PKD1L1: variants seen among roughly 807,000 people sequenced by gnomAD.
PKD1L1 encodes polycystin 1 like 1, transient receptor potential channel interacting, also known as polycystin-1-like protein 1.
In PKD1L1, 236 loss-of-function variants were observed where a neutral mutation model predicts 323.4. The ratio of observed to expected loss-of-function variants is 0.73; its 90% confidence interval spans 0.66 to 0.81. The LOEUF is 0.81. Among genes scored for constraint, PKD1L1 ranks in the 40% least tolerant of loss-of-function variants. PKD1L1 has a pLI of 0.00. For missense variants in PKD1L1, 3,320 were observed against 3,508.0 expected (o/e 0.95, Z 1.35); for synonymous variants, 1,344 against 1,335.0 (o/e 1.01, Z -0.15).
At chr7:47,789,280 CAA>C (rs1482547629) in intron 56 of PKD1L1, among the ~76,000 whole-genome samples, 1 of 152,174 alleles carries the variant, frequency 6.6e-6, no homozygotes, top group Non-Finnish European at 1.5e-5. Flanking sequence ...TGTCTCTACT[CAA>C]GTCAGTTTGT....
At chr7:47,955,304 G>T in the PKD1L1 span, among the ~76,000 whole-genome samples, 1 of 152,092 alleles carries the variant, frequency 6.6e-6, no homozygotes, top group Non-Finnish European at 1.5e-5. Flanking sequence ...TCCAATGTTC[G>T]GGAAACTGTA....
rs374122230 is a variant in PKD1L1 at position 47,948,389 on chromosome 7, T to A, written c.44+8A>T. The A allele has an allele frequency of 2.5e-6, 4 of 1,613,996 alleles. No homozygotes were observed. Among genetic ancestry groups the A allele is most frequent in the South Asian group, 1.1e-5 (1 of 91,084 alleles). On this transcript the variant is annotated splice_region_variant and intron_variant, in intron 1 of 56. Transcript: ENST00000289672. Reference sequence around the variant, plus strand: ...TTACCAAACCCTCTGAGAACAGTGATAACTCACCTTTCCTGGTCATCAGAA... The same window carrying A: ...TTACCAAACCCTCTGAGAACAGTGAAAACTCACCTTTCCTGGTCATCAGAA...
At position 47,920,300 on chromosome 7, in the gene PKD1L1, A is replaced by AAC. The variant is rs765352275; in HGVS notation, c.1061-4702_1061-4701insGT. Among the ~76,000 whole-genome samples the AAC allele has an allele frequency of 6.4e-4, 86 of 135,248 alleles. 2 individuals are homozygous for AAC. The highest frequency in any genetic ancestry group is 2.5e-3 in the East Asian group (13 of 5,128). 88.7% of individuals were successfully genotyped at this position (135,248 alleles called of 152,430 possible). A position where few individuals can be genotyped will look rare whatever the true frequency, so the allele number is the denominator to read the frequency against. Reference sequence around the variant, plus strand: ...AAACCAAAACAAACAAACAAAAACAAAAAAAAAAAACCACTTAGGAATATA... The same window carrying AAC: ...AAACCAAAACAAACAAACAAAAACAAACAAAAAAAAAACCACTTAGGAATATA... On this transcript the variant is annotated intron_variant, in intron 7 of 56. Transcript: ENST00000289672.
intron 56 of PKD1L1, among the ~76,000 whole-genome samples, chr7:47,779,003 T>G (rs1383294339): frequency 6.6e-6 from 1 of 152,272 alleles, no homozygotes; most frequent in Non-Finnish European, 1.5e-5. Flanking sequence ...GTTCTTGTCC[T>G]ATGGAGAGAA....
At position 47,788,562 on chromosome 7, in the gene PKD1L1, T is replaced by TAC. The variant is rs1786863973; in HGVS notation, c.8526+4064_8526+4065insGT. Among the ~76,000 whole-genome samples the TAC allele has an allele frequency of 6.5e-5, 4 of 61,072 alleles. No individual in the cohort carries two copies. In the South Asian group the frequency reaches 3.0e-3, roughly 45 times the overall value. The allele number at this position is 61,072 out of a possible 152,430, so 40.1% of individuals were successfully genotyped here. On this transcript the variant is annotated intron_variant, in intron 56 of 56. Coordinates refer to ENST00000289672, the MANE Select transcript of PKD1L1 (RefSeq NM_138295.5). ...TGTGAGCCACCACACCCAGCCCAGT[T>TAC]ATATATATATATATATTTTTTTTTT... is the stretch of plus-strand genomic sequence containing the variant.
At chr7:47,886,256 T>C (rs1362567770) in intron 17 of PKD1L1, among the ~76,000 whole-genome samples, 2 of 152,092 alleles carry the variant, frequency 1.3e-5, no homozygotes, top group Non-Finnish European at 2.9e-5. Context: ...AAGAAGCACA[T>C]GTATGGAAGT....
intron 44 of PKD1L1, 104 bp downstream of exon 44, chr7:47,829,321 G>C (rs1785295605): frequency 8.5e-7 from 1 of 1,177,686 alleles, no homozygotes; most frequent in Middle Eastern, 2.5e-4. Flanking sequence ...GGTCTCCAAA[G>C]ATGCAACCCA....
intron 8 of PKD1L1, among the ~76,000 whole-genome samples, chr7:47,912,471 G>C (rs1787341086): frequency 6.6e-6 from 1 of 152,142 alleles, no homozygotes; most frequent in South Asian, 2.1e-4. Flanking sequence ...GTGACCCAGA[G>C]TGGCCAGCAC....
chr7:47,916,271 A>C (rs1009703431), intron 7 of PKD1L1, among the ~76,000 whole-genome samples: 7 of 152,234 alleles, frequency 4.6e-5, no homozygotes, highest in African/African-American at 1.7e-4. Flanking sequence ...AAATGCCTTT[A>C]AGGATTTTGG....
intron 56 of PKD1L1, among the ~76,000 whole-genome samples, chr7:47,786,827 G>A (rs1786818104): frequency 6.6e-6 from 1 of 152,192 alleles, no homozygotes; most frequent in Non-Finnish European, 1.5e-5. Context: ...GCCCCCGGCT[G>A]GGAGGTCTCT....
chr7:47,895,799 TTTAA>T lies in PKD1L1; in HGVS notation c.2272-1744_2272-1741del, dbSNP rs766236870. Reference sequence around the variant, plus strand: ...AAAATTTATAGAAATTAGTTTTTTGTTTAATTAAAGTCATAGTTAAGGCTTGAGG... The same window carrying T: ...AAAATTTATAGAAATTAGTTTTTTGTTTAAAGTCATAGTTAAGGCTTGAGG... On this transcript the variant is annotated intron_variant, in intron 14 of 56. Coordinates refer to ENST00000289672, the MANE Select transcript of PKD1L1 (RefSeq NM_138295.5). Among the ~76,000 whole-genome samples the T allele has an allele frequency of 1.1e-4, 16 of 152,344 alleles. No individual in the cohort carries two copies. In the East Asian group the frequency reaches 2.7e-3, roughly 26 times the overall value.
intron 26 of PKD1L1, 21 bp downstream of exon 26, chr7:47,865,195 C>G (rs1278566828): frequency 6.3e-7 from 1 of 1,592,056 alleles, no homozygotes; most frequent in Non-Finnish European, 8.6e-7. Flanking sequence ...GAAAATATTT[C>G]TGGGAAAAAA....
chr7:47,845,318 C>G (rs1238519266), intron 32 of PKD1L1, among the ~76,000 whole-genome samples: 1 of 152,192 alleles, frequency 6.6e-6, no homozygotes, highest in Non-Finnish European at 1.5e-5. Context: ...TGGAGGCTGT[C>G]CTGAGATGCA....
intron 56 of PKD1L1, among the ~76,000 whole-genome samples, chr7:47,789,359 GTTA>G (rs1786886233): frequency 6.6e-6 from 1 of 152,180 alleles, no homozygotes; most frequent in South Asian, 2.1e-4. Flanking sequence ...TTTCCTAAAG[GTTA>G]TTTTCTGTTT....
intron 7 of PKD1L1, among the ~76,000 whole-genome samples, chr7:47,916,220 G>A (rs573353690): frequency 1.3e-5 from 2 of 152,314 alleles, no homozygotes; most frequent in South Asian, 4.1e-4. Flanking sequence ...AAGCTATAAT[G>A]AGGCAACTGG....
chr7:47,923,796 A>AC (rs1787604732), intron 7 of PKD1L1, among the ~76,000 whole-genome samples: 1 of 152,208 alleles, frequency 6.6e-6, no homozygotes, highest in African/African-American at 2.4e-5. Flanking sequence ...CACCAAAATC[A>AC]AGTGTTTTTC....
Position 47,800,837 on chromosome 7 carries a change from G to A in PKD1L1, c.8005C>T (p.Arg2669Ter), listed in dbSNP as rs137883370. The A allele has an allele frequency of 2.7e-5, 43 of 1,613,920 alleles. No individual in the cohort carries two copies. Among genetic ancestry groups the A allele is most frequent in the South Asian group, 2.6e-4 (24 of 91,070 alleles). ...LMLAALSHLH[R>*]FLLSMWVLPP... is the part of the protein sequence containing the mutation. The stretch of plus-strand genomic sequence containing the variant: ...AGAACCCACATAGAGAGCAGAAATC[G>A]GTGCAGGTGGGAGAGGGCGGCCAGC... Residue 2669 changes from arginine to a stop codon, truncating the protein, a stop_gained, in exon 54 of 57, where the codon CGA (arginine) becomes TGA (stop). Transcript: ENST00000289672. LOFTEE classifies it high-confidence loss of function.
intron 24 of PKD1L1, among the ~76,000 whole-genome samples, chr7:47,869,868 T>C (rs62450667): frequency 0.32 from 49,087 of 151,958 alleles, 8,474 homozygotes; most frequent in African/African-American, 0.43. Context: ...TTTAAACTAC[T>C]GCTATTATAC....
chr7:47,866,968 G>A (rs558985361), intron 24 of PKD1L1, among the ~76,000 whole-genome samples: 5 of 152,070 alleles, frequency 3.3e-5, no homozygotes, highest in East Asian at 1.9e-4. Context: ...CAATAATTGC[G>A]CATTTATTTA....
Sources: gnomAD v4.1 joint callset for allele counts (sites outside exome capture counted in the v4.1 genomes callset) on GRCh38, gnomAD v4.1.1 for gene constraint, MANE v1.5 for transcripts, NCBI Gene and HGNC (gene_info 2026-07-23, HGNC 2026-07-21) for gene names.